Variants in ABI3BP observed in about 807,000 individuals in gnomAD.
The protein encoded by ABI3BP is target of Nesh-SH3.
ABI3BP carries 216 observed loss-of-function variants against 268.6 expected under a neutral mutation model. That is an observed-to-expected ratio of 0.80 (90% CI 0.72 to 0.90). The LOEUF is 0.90. Among genes scored for constraint, ABI3BP ranks in the 40% least tolerant of loss-of-function variants. The pLI, the probability that ABI3BP is intolerant of heterozygous loss-of-function variation, is 0.00. For missense variants in ABI3BP, 2,090 were observed against 2,182.4 expected (o/e 0.96, Z 0.84); for synonymous variants, 730 against 730.0 (o/e 1.00, Z 0.00).
At chr3:100,834,352 A>G (rs1279851277) in intron 29 of ABI3BP, among the ~76,000 whole-genome samples, 1 of 152,162 alleles carries the variant, frequency 6.6e-6, no homozygotes, top group Admixed American at 6.5e-5. Context: ...TTCCTCACAG[A>G]TACAAACGTT....
At chr3:100,823,633 ACTT>A in intron 36 of ABI3BP, 119 bp from the exon 37 acceptor site, 2 of 739,944 alleles carry the variant, frequency 2.7e-6, no homozygotes, top group South Asian at 4.1e-5. Flanking sequence ...AAAAAAATTA[ACTT>A]CTTAACTGAA....
chr3:100,876,627 C>A, intron 6 of ABI3BP, 67 bp from the exon 7 acceptor site: 1 of 1,417,736 alleles, frequency 7.1e-7, no homozygotes, highest in Non-Finnish European at 9.9e-7. Flanking sequence ...TTAAAACGTT[C>A]GGAGAACTGG....
At chr3:100,843,338 A>G (rs1361806348) in intron 20 of ABI3BP, among the ~76,000 whole-genome samples, 1 of 152,124 alleles carries the variant, frequency 6.6e-6, no homozygotes, top group African/African-American at 2.4e-5. Context: ...ATTGTAACAG[A>G]TGAACGGCAA....
intron 1 of ABI3BP, among the ~76,000 whole-genome samples, chr3:100,988,028 A>C (rs1449220310): frequency 6.6e-6 from 1 of 152,188 alleles, no homozygotes; most frequent in Non-Finnish European, 1.5e-5. Context: ...ACTGTTTAAT[A>C]CAGTCCCAGC....
intron 16 of ABI3BP, 92 bp from the exon 17 acceptor site, chr3:100,850,211 C>T: frequency 1.8e-6 from 2 of 1,084,788 alleles, no homozygotes; most frequent in Non-Finnish European, 2.7e-6. Context: ...GTATAAAGCA[C>T]ATGCCACGAG....
chr3:100,992,720 G>A (rs1478239746), intron 1 of ABI3BP, among the ~76,000 whole-genome samples: 1 of 152,158 alleles, frequency 6.6e-6, no homozygotes, highest in Non-Finnish European at 1.5e-5. Flanking sequence ...ACTAAAATGA[G>A]AGCAATTTAG....
chr3:100,782,329 C>A (rs1196261507), intron 57 of ABI3BP, among the ~76,000 whole-genome samples: 4 of 152,076 alleles, frequency 2.6e-5, no homozygotes, highest in Non-Finnish European at 5.9e-5. Flanking sequence ...ACCAAAGATA[C>A]AAATTCCCTT....
chr3:100,813,626 A>G (rs1472873499), intron 45 of ABI3BP, 35 bp downstream of exon 45: 9 of 1,481,124 alleles, frequency 6.1e-6, no homozygotes, highest in Non-Finnish European at 8.2e-6. Context: ...CTTAAAGCAC[A>G]CAGTATACCC....
intron 54 of ABI3BP, 39 bp downstream of exon 54, chr3:100,794,884 G>C: frequency 6.9e-7 from 1 of 1,457,918 alleles, no homozygotes; most frequent in Non-Finnish European, 9.4e-7. Flanking sequence ...ATTCCTAAAA[G>C]GCAAGCTCTC....
chr3:100,899,924 C>A (rs2049431039), intron 3 of ABI3BP, among the ~76,000 whole-genome samples: 1 of 152,138 alleles, frequency 6.6e-6, no homozygotes, highest in African/African-American at 2.4e-5. Context: ...TAGGAGAGTG[C>A]CCCTTGCATG....
chr3:100,792,348 A>G (rs1468464754), intron 55 of ABI3BP, among the ~76,000 whole-genome samples: 2 of 151,760 alleles, frequency 1.3e-5, no homozygotes, highest in African/African-American at 2.4e-5. Context: ...TTAGAGAGGG[A>G]GCAGGAAGAG....
chr3:100,835,773 T>C, intron 27 of ABI3BP, 113 bp from the exon 28 acceptor site: 1 of 874,168 alleles, frequency 1.1e-6, no homozygotes, highest in South Asian at 1.7e-5. Context: ...TTCTGAACTC[T>C]GGGAAAATAG....
intron 11 of ABI3BP, chr3:100,864,415 C>T: frequency 2.9e-6 from 1 of 341,948 alleles, no homozygotes; most frequent in Non-Finnish European, 5.3e-6. Context: ...TGTTTAAAAG[C>T]ATGACACTTT....
chr3:100,830,106 C>CATATATATAT (rs1472426726), intron 32 of ABI3BP, among the ~76,000 whole-genome samples: 1 of 77,038 alleles, frequency 1.3e-5, no homozygotes, highest in African/African-American at 6.9e-5. Flanking sequence ...TACATACATA[C>CATATATATAT]ATACATATAT....
intron 39 of ABI3BP, among the ~76,000 whole-genome samples, chr3:100,820,832 G>C (rs7634500): frequency 0.44 from 66,955 of 151,986 alleles, 15,747 homozygotes; most frequent in African/African-American, 0.63. Flanking sequence ...TGGTTACATA[G>C]CCAAAACATA....
intron 9 of ABI3BP, among the ~76,000 whole-genome samples, chr3:100,873,583 C>T (rs2099131619): frequency 1.3e-5 from 2 of 152,174 alleles, no homozygotes; most frequent in African/African-American, 4.8e-5. Flanking sequence ...ACCAGAGGGT[C>T]TGCCCACCTA....
intron 4 of ABI3BP, among the ~76,000 whole-genome samples, chr3:100,890,967 A>G (rs2044347128): frequency 6.9e-6 from 1 of 145,432 alleles, no homozygotes; most frequent in African/African-American, 2.5e-5. Context: ...ACTCGTGATA[A>G]TTTTCAAACT....
Position 100,750,604 on chromosome 3 carries a change from A to C in ABI3BP, c.5252T>G (p.Phe1751Cys). The change falls in exon 68 of 68, where the codon TTC (phenylalanine) becomes TGC (cysteine). Residue 1751 changes from phenylalanine to cysteine, a missense_variant. Phe to Cys is a radical substitution (Grantham distance 205). Coordinates refer to ENST00000471714, the MANE Select transcript of ABI3BP (RefSeq NM_001375547.2). ...SDQLPIKEGY[F>C]RAVRQEPVQF... ...GACAGGTTCCTGGCGAACTGCTCTGAAATAACCTGAGAGAGAAAATAGTTT... is the reference window on the plus strand; with the variant it reads ...GACAGGTTCCTGGCGAACTGCTCTGCAATAACCTGAGAGAGAAAATAGTTT... The C allele has an allele frequency of 6.2e-7, 1 of 1,610,018 alleles. No homozygotes were observed. The highest frequency in any genetic ancestry group is 8.5e-7 in the Non-Finnish European group (1 of 1,177,164).
chr3:100,830,926 G>A (rs1490622856), intron 31 of ABI3BP, among the ~76,000 whole-genome samples: 2 of 152,088 alleles, frequency 1.3e-5, no homozygotes, highest in East Asian at 3.9e-4. Context: ...ATGAACACTA[G>A]AAAATCTGGC....
Sources: allele counts gnomAD v4.1 joint callset (sites outside exome capture counted in the v4.1 genomes callset), GRCh38; gene constraint gnomAD v4.1.1; transcripts MANE v1.5; gene names NCBI Gene and HGNC (gene_info 2026-07-23, HGNC 2026-07-21).